Variants in SKAP2 observed in about 807,000 individuals in gnomAD.
The protein encoded by SKAP2 is src kinase associated phosphoprotein 2, also known as src kinase-associated phosphoprotein 2.
A neutral mutation model predicts 54.9 loss-of-function variants in SKAP2; 28 were observed. That is an observed-to-expected ratio of 0.51 (90% CI 0.38 to 0.70). The LOEUF is 0.70. SKAP2 is among the 30% of genes least tolerant of loss of function. SKAP2 has a pLI of 0.00. For missense variants in SKAP2, 356 were observed against 424.1 expected (o/e 0.84, Z 1.41); for synonymous variants, 137 against 134.3 (o/e 1.02, Z -0.14).
intron 3 of SKAP2, among the ~76,000 whole-genome samples, chr7:26,849,022 G>T (rs1222679202): frequency 6.6e-6 from 1 of 152,190 alleles, no homozygotes; most frequent in Non-Finnish European, 1.5e-5. Flanking sequence ...CAAGGCCAAT[G>T]GTGGGGGTAG....
intron 9 of SKAP2, among the ~76,000 whole-genome samples, chr7:26,711,898 T>C (rs1277406929): frequency 6.6e-6 from 1 of 152,062 alleles, no homozygotes; most frequent in Non-Finnish European, 1.5e-5. Context: ...GGTGAGAAAT[T>C]ATTAAAGCCT....
intron 4 of SKAP2, among the ~76,000 whole-genome samples, chr7:26,815,790 C>A (rs1332120878): frequency 6.6e-6 from 1 of 151,964 alleles, no homozygotes; most frequent in Non-Finnish European, 1.5e-5. Flanking sequence ...TTAAGTAGCC[C>A]CAAACTTAGT....
At chr7:26,684,960 A>T in intron 10 of SKAP2, 112 bp from the exon 11 acceptor site, 1 of 636,452 alleles carries the variant, frequency 1.6e-6, no homozygotes, top group East Asian at 2.7e-5. Context: ...ATAGTCTAAA[A>T]AAATTATGTC....
intron 9 of SKAP2, among the ~76,000 whole-genome samples, chr7:26,718,188 T>C (rs182057687): frequency 4.6e-5 from 7 of 151,294 alleles, no homozygotes; most frequent in Admixed American, 3.3e-4. Context: ...TACTCAAGAA[T>C]ACTTATGAAA....
chr7:26,837,308 C>A, intron 4 of SKAP2, among the ~76,000 whole-genome samples: 2 of 149,422 alleles, frequency 1.3e-5, no homozygotes, highest in Admixed American at 1.3e-4. Context: ...ACGCTCTGCA[C>A]ATGTACCCCA....
intron 4 of SKAP2, among the ~76,000 whole-genome samples, chr7:26,755,691 A>C (rs1313428252): frequency 6.6e-6 from 1 of 152,172 alleles, no homozygotes; most frequent in Non-Finnish European, 1.5e-5. Context: ...AGTGCCTGGG[A>C]CACAGGAAGT....
At chr7:26,819,593 A>C (rs1394667021) in intron 4 of SKAP2, among the ~76,000 whole-genome samples, 6 of 151,878 alleles carry the variant, frequency 4.0e-5, no homozygotes, top group Non-Finnish European at 8.8e-5. Context: ...GAACTTTCCC[A>C]TGCTTTCTCC....
intron 1 of SKAP2, chr7:26,857,701 G>T: frequency 7.1e-6 from 7 of 985,448 alleles, no homozygotes; most frequent in Non-Finnish European, 8.4e-6. Context: ...CCGGGTCTGG[G>T]GCAGAGCCCT....
chr7:26,744,950 A>T (rs1782530179), intron 4 of SKAP2, among the ~76,000 whole-genome samples: 1 of 152,162 alleles, frequency 6.6e-6, no homozygotes, highest in Non-Finnish European at 1.5e-5. Context: ...AGGAATCCAA[A>T]GCCTTATTTT....
chr7:26,738,738 G>T, intron 6 of SKAP2, 57 bp downstream of exon 6: 2 of 921,098 alleles, frequency 2.2e-6, no homozygotes, highest in South Asian at 1.3e-5. Flanking sequence ...AGAGGGGGAA[G>T]GGATGGCCAA....
intron 4 of SKAP2, among the ~76,000 whole-genome samples, chr7:26,824,853 T>C (rs1344840993): frequency 2.0e-5 from 3 of 152,176 alleles, no homozygotes; most frequent in Non-Finnish European, 4.4e-5. Context: ...TAGACTGTTA[T>C]TTTGGCCCCA....
intron 4 of SKAP2, among the ~76,000 whole-genome samples, chr7:26,797,133 G>A (rs935190249): frequency 2.0e-5 from 3 of 152,198 alleles, no homozygotes; most frequent in Non-Finnish European, 4.4e-5. Context: ...AGGGGACCTC[G>A]CTGCCTTGAA....
chr7:26,713,013 C>T (rs931069343), intron 9 of SKAP2, among the ~76,000 whole-genome samples: 1 of 152,180 alleles, frequency 6.6e-6, no homozygotes, highest in South Asian at 2.1e-4. Flanking sequence ...CATTTATGCA[C>T]ATGGGGCTGT....
rs1197005517 is a variant in SKAP2, at chr7:26,669,986, T to G, written c.*9+105A>C. On this transcript the variant is annotated intron_variant, in intron 12 of 12. Transcript: ENST00000345317. ...AAAAGATTTCGGGGCACAATCTTTGTGTTATCAGAAAACTCTAAAGACTTT... is the reference window on the plus strand; with the variant it reads ...AAAAGATTTCGGGGCACAATCTTTGGGTTATCAGAAAACTCTAAAGACTTT... The G allele has an allele frequency of 1.7e-5, 8 of 477,842 alleles. No individual in the cohort carries two copies. The East Asian group carries it at 2.1e-4, about 13-fold the overall frequency. The allele number at this position is 477,842 out of a possible 1,614,324, so 29.6% of individuals were successfully genotyped here.
intron 4 of SKAP2, among the ~76,000 whole-genome samples, chr7:26,754,399 T>TG (rs1782746682): frequency 2.0e-5 from 1 of 49,632 alleles, no homozygotes; most frequent in African/African-American, 1.5e-4. Flanking sequence ...ATTCAAGATG[T>TG]GAAAAAAAAA....
In SKAP2 at chr7:26,669,524, G is replaced by A. The variant is rs1430761398; in HGVS notation, c.*142C>T. ...TCACATCAGAGGAATATTTTAATGA[G>A]CGACTGCATAAAATAACAGTCAAAG... On this transcript the variant is annotated 3_prime_UTR_variant, in exon 13 of 13. Transcript: ENST00000345317. The A allele has an allele frequency of 6.6e-6, 1 of 152,012 alleles. No individual in the cohort carries two copies. Among genetic ancestry groups the A allele is most frequent in the East Asian group, 1.9e-4 (1 of 5,180 alleles). 9.4% of individuals were successfully genotyped at this position (152,012 alleles called of 1,614,324 possible). A position where few individuals can be genotyped will look rare whatever the true frequency, so the allele number is the denominator to read the frequency against.
intron 4 of SKAP2, among the ~76,000 whole-genome samples, chr7:26,753,731 A>C (rs12700759): frequency 0.52 from 78,602 of 151,956 alleles, 21,637 homozygotes; most frequent in East Asian, 0.88. Context: ...CCGAGCATCC[A>C]CTATGTGCCA....
chr7:26,859,049 C>T (rs563726705), intron 1 of SKAP2, among the ~76,000 whole-genome samples: 18 of 152,154 alleles, frequency 1.2e-4, no homozygotes, highest in South Asian at 4.1e-4. Flanking sequence ...AGGGGGAGGG[C>T]GCAAGAATTG....
intron 9 of SKAP2, among the ~76,000 whole-genome samples, chr7:26,697,176 C>T (rs1318653072): frequency 5.3e-5 from 8 of 152,166 alleles, no homozygotes; most frequent in Non-Finnish European, 7.3e-5. Flanking sequence ...ACACAGCTTG[C>T]ACACTGTACC....
Sources: allele counts gnomAD v4.1 joint callset (sites outside exome capture counted in the v4.1 genomes callset), GRCh38; gene constraint gnomAD v4.1.1; transcripts MANE v1.5; gene names NCBI Gene and HGNC (gene_info 2026-07-23, HGNC 2026-07-21).